Variants in FAM184B observed in about 807,000 individuals in gnomAD.
FAM184B encodes family with sequence similarity 184 member B.
In FAM184B, 111 loss-of-function variants were observed where a neutral mutation model predicts 135.9. The ratio of observed to expected loss-of-function variants is 0.82; its 90% CI spans 0.70 to 0.96. The LOEUF is 0.96. Among genes scored for constraint, FAM184B ranks in the 40% least tolerant of loss-of-function variants. The pLI is 0.00. For missense variants in FAM184B, 1,375 were observed against 1,323.9 expected (o/e 1.04, Z -0.60); for synonymous variants, 552 against 524.8 (o/e 1.05, Z -0.71).
intron 1 of FAM184B, among the ~76,000 whole-genome samples, chr4:17,759,496 T>C (rs1718495259): frequency 6.8e-6 from 1 of 146,726 alleles, no homozygotes; most frequent in Non-Finnish European, 1.5e-5. Flanking sequence ...TATGTCTTTT[T>C]TTCTTTTTTC....
intron 1 of FAM184B, among the ~76,000 whole-genome samples, chr4:17,738,748 T>C (rs1303713530): frequency 6.6e-6 from 1 of 152,156 alleles, no homozygotes; most frequent in Admixed American, 6.5e-5. Flanking sequence ...TGGGGCCTAA[T>C]GGGGGTGTTT....
intron 5 of FAM184B, among the ~76,000 whole-genome samples, chr4:17,695,695 T>C (rs934622710): frequency 2.6e-5 from 4 of 151,610 alleles, no homozygotes; most frequent in African/African-American, 9.7e-5. Context: ...TAGGAGAGAA[T>C]GGTGCCGCCA....
Position 17,636,541 on chromosome 4 carries a change from A to G in FAM184B, c.2771T>C (p.Ile924Thr). 1.3e-6 allele frequency: 2 copies of G among 1,550,718 alleles called. No homozygotes were observed. Among genetic ancestry groups the G allele is most frequent in the East Asian group, 2.4e-5 (1 of 40,904 alleles). ...TGACAGCCTCACCGTGAGCTGCTTGATGATGTCCTCTCTCTCCTTCAGGCG... is the reference window on the plus strand; with the variant it reads ...TGACAGCCTCACCGTGAGCTGCTTGGTGATGTCCTCTCTCTCCTTCAGGCG... ...QTRLKEREDI[I>T]KQLTEERRFH... Residue 924 changes from isoleucine (I) to threonine (T), a missense_variant, in exon 15 of 18, where the codon ATC becomes ACC. By Grantham distance (89) the Ile-to-Thr change is moderately conservative. Transcript: ENST00000265018.
rs1208877823 is a variant in FAM184B at position 17,742,351 on chromosome 4, T to C, written c.142-32707A>G. Among the ~76,000 whole-genome samples the C allele has an allele frequency of 2.0e-5, 3 of 151,694 alleles. No homozygotes were observed. In the East Asian group the frequency reaches 5.8e-4, roughly 30 times the overall value. On this transcript the variant is annotated intron_variant, in intron 1 of 17. Coordinates refer to ENST00000265018, the MANE Select transcript of FAM184B (RefSeq NM_015688.2). ...CAGGAGGCTGAGGTGAGAGGATTGC[T>C]TGAGCTCAGGAGGTTGAGGCTGCAG... is the stretch of plus-strand genomic sequence containing the variant.
intron 11 of FAM184B, among the ~76,000 whole-genome samples, chr4:17,651,808 G>T (rs1192654751): frequency 1.3e-5 from 2 of 152,266 alleles, no homozygotes; most frequent in East Asian, 3.9e-4. Context: ...CACCCAGGCA[G>T]TTTGGCTCTA....
At chr4:17,706,334 C>G (rs1717118348) in intron 3 of FAM184B, among the ~76,000 whole-genome samples, 1 of 152,194 alleles carries the variant, frequency 6.6e-6, no homozygotes, top group Non-Finnish European at 1.5e-5. Context: ...CTGGTTCCTG[C>G]AGAACCAGTA....
intron 10 of FAM184B, among the ~76,000 whole-genome samples, chr4:17,656,944 T>C (rs932097912): frequency 6.6e-6 from 1 of 152,190 alleles, no homozygotes; most frequent in African/African-American, 2.4e-5. Flanking sequence ...CTATGAATTG[T>C]CTTCCTACTA....
chr4:17,750,699 A>G lies in FAM184B; in HGVS notation c.141+30460T>C, dbSNP rs1051129354. 2.0e-5 allele frequency among the ~76,000 whole-genome samples: 3 copies of G among 152,236 alleles called. No individual in the cohort carries two copies. In the East Asian group the frequency reaches 5.8e-4, roughly 29 times the overall value. ...GAATTACCGTTCTAATGAAAACCAT[A>G]TAGCTCTATTAGTTCACATTTCATT... On this transcript the variant is annotated intron_variant, in intron 1 of 17. Coordinates refer to ENST00000265018, the MANE Select transcript of FAM184B (RefSeq NM_015688.2).
Position 17,633,802 on chromosome 4 carries a change from C to T in FAM184B, c.2976G>A (p.Leu992=). 1 of 1,551,610 alleles carries T rather than the reference C, an allele frequency of 6.4e-7. No individual in the cohort carries two copies. Among genetic ancestry groups the T allele is most frequent in the Non-Finnish European group, 8.7e-7 (1 of 1,146,968 alleles). The change falls in exon 17 of 18, where the codon CTG becomes CTA. Residue 992 remains leucine, a synonymous_variant. Coordinates refer to ENST00000265018, the MANE Select transcript of FAM184B (RefSeq NM_015688.2). ...TTGGAGGGGCATTAATCCTGGAACT[C>T]AGATCGCCACTCAGAAAGTTCTTTG... ...SYAKNFLSGD[L]SSRINAPPIT...
rs1232506799 is a variant in FAM184B at position 17,635,075 on chromosome 4, G to A, written c.2823C>T (p.Ala941=). 1 of 1,551,804 alleles carries A rather than the reference G, an allele frequency of 6.4e-7. No homozygotes were observed. The part of the protein sequence containing the change: ...RRFHYAAFPS[A]MSHRNRSFSF... ...AGAAAGACCGATTCCGGTGGGACAT[G>A]GCACTGGGGAATGCTGCGTAGTGAA... The change falls in exon 16 of 18, where the codon GCC becomes GCT. Residue 941 remains alanine (A), a synonymous_variant. Transcript: ENST00000265018.
intron 1 of FAM184B, among the ~76,000 whole-genome samples, chr4:17,750,190 T>A (rs559950790): frequency 6.6e-6 from 1 of 152,322 alleles, no homozygotes; most frequent in Admixed American, 6.5e-5. Flanking sequence ...TTGAAAATAG[T>A]CATGCGATTT....
chr4:17,668,410 G>T (rs193107287), intron 7 of FAM184B, among the ~76,000 whole-genome samples: 3 of 152,176 alleles, frequency 2.0e-5, no homozygotes, highest in Admixed American at 2.0e-4. Context: ...ATTCTTCAAG[G>T]CCCTATTCAA....
chr4:17,674,442 A>G (rs184328613), intron 7 of FAM184B, among the ~76,000 whole-genome samples: 1 of 152,194 alleles, frequency 6.6e-6, no homozygotes, highest in African/African-American at 2.4e-5. Flanking sequence ...CCTTCAGTGT[A>G]TTGTAATCTT....
chr4:17,726,733 C>T (rs13148666), intron 1 of FAM184B, among the ~76,000 whole-genome samples: 40,343 of 152,034 alleles, frequency 0.27, 5,721 homozygotes, highest in Non-Finnish European at 0.31. Context: ...TCTGAGTTGG[C>T]TTTATTCCTT....
intron 12 of FAM184B, among the ~76,000 whole-genome samples, chr4:17,644,717 A>T (rs531800232): frequency 6.6e-6 from 1 of 152,340 alleles, no homozygotes; most frequent in South Asian, 2.1e-4. Context: ...TATTCAACAT[A>T]GTGTTGGAAG....
At chr4:17,641,863 G>A (rs1291359887) in intron 13 of FAM184B, among the ~76,000 whole-genome samples, 193 bp downstream of exon 13, 1 of 151,858 alleles carries the variant, frequency 6.6e-6, no homozygotes, top group African/African-American at 2.4e-5. Flanking sequence ...CTGGAGCTCT[G>A]GGACTTTTCA....
At chr4:17,645,043 C>T (rs1162295793) in intron 12 of FAM184B, among the ~76,000 whole-genome samples, 2 of 152,152 alleles carry the variant, frequency 1.3e-5, no homozygotes, top group Non-Finnish European at 2.9e-5. Context: ...TTTAGGATCT[C>T]TTCAAGAACT....
chr4:17,638,277 C>T (rs920700050), intron 14 of FAM184B, among the ~76,000 whole-genome samples: 5 of 151,686 alleles, frequency 3.3e-5, no homozygotes, highest in Admixed American at 2.0e-4. Flanking sequence ...CAACCTCAAC[C>T]TCCTGAGCTC....
At chr4:17,702,491 G>A (rs566744487) in intron 5 of FAM184B, among the ~76,000 whole-genome samples, 1 of 152,176 alleles carries the variant, frequency 6.6e-6, no homozygotes, top group Admixed American at 6.5e-5. Context: ...TAGCACTTAG[G>A]ATACACAGTA....
Sources: gnomAD v4.1 joint callset for allele counts (sites outside exome capture counted in the v4.1 genomes callset) on GRCh38, gnomAD v4.1.1 for gene constraint, MANE v1.5 for transcripts, NCBI Gene and HGNC (gene_info 2026-07-23, HGNC 2026-07-21) for gene names.